Variants in PRKN observed in about 807,000 individuals in gnomAD.
PRKN encodes the protein parkin RBR E3 ubiquitin protein ligase.
In PRKN, 56 loss-of-function variants were observed where a neutral mutation model predicts 59.5. The observed-to-expected ratio is 0.94, with a 90% CI of 0.76 to 1.18. PRKN has a LOEUF of 1.18. Among genes scored for constraint, PRKN ranks in the 50% most tolerant of loss-of-function variants. The pLI is 0.00. For synonymous variants in PRKN, 250 were observed against 222.1 expected, an observed-to-expected ratio of 1.13 and a Z score of -1.12; for missense variants, 657 against 596.4, an observed-to-expected ratio of 1.10 and a Z score of -1.06.
intron 7 of PRKN, among the ~76,000 whole-genome samples, chr6:161,629,524 C>G (rs544431220): frequency 7.2e-4 from 109 of 152,262 alleles, no homozygotes; most frequent in Middle Eastern, 6.8e-3. Context: ...AAAACCTCCA[C>G]TACTTGACCC....
intron 1 of PRKN, among the ~76,000 whole-genome samples, chr6:162,573,954 T>C (rs569366056): frequency 6.6e-6 from 1 of 152,308 alleles, no homozygotes; most frequent in African/African-American, 2.4e-5. Context: ...CCAAAGCAAC[T>C]ACTTCAAATT....
Position 162,201,211 on chromosome 6 carries a change from C to G in PRKN, c.454G>C (p.Gly152Arg). ...CCCGGCTGCACTCTTTGACAGGGGC[C>G]TTTGCAATACACATAAAAGCTGTTG... ...IYNSFYVYCK[G>R]PCQRVQPGKL... is the part of the protein sequence containing the mutation. The change falls in exon 4 of 12, where the codon GGC becomes CGC. Residue 152 changes from glycine to arginine, a missense_variant. By Grantham distance (125) the Gly-to-Arg change is moderately radical. Coordinates refer to ENST00000366898, the MANE Select transcript of PRKN (RefSeq NM_004562.3). 5 of 1,613,950 alleles carry G rather than the reference C, an allele frequency of 3.1e-6. No homozygotes were observed. Among genetic ancestry groups the G allele is most frequent in the Non-Finnish European group, 3.4e-6 (4 of 1,179,858 alleles).
chr6:162,674,006 G>A (rs1779440959), intron 1 of PRKN, among the ~76,000 whole-genome samples: 1 of 152,116 alleles, frequency 6.6e-6, no homozygotes, highest in Admixed American at 6.5e-5. Flanking sequence ...GCTCTTATGA[G>A]AGCATCACCA....
rs1055666209 is a variant in PRKN at position 161,683,466 on chromosome 6, C to T, written c.871+102306G>A. Among the ~76,000 whole-genome samples, 10 of 152,192 alleles carry T rather than the reference C, an allele frequency of 6.6e-5. No homozygotes were observed. The South Asian group carries it at 1.0e-3, about 16-fold the overall frequency. ...TCTCTGGGACTCCTTTAACAGAAGA[C>T]GAACAAAGGGGAAGACCATTGCCTC... On this transcript the variant is annotated intron_variant, in intron 7 of 11. Coordinates refer to ENST00000366898, the MANE Select transcript of PRKN (RefSeq NM_004562.3).
intron 2 of PRKN, among the ~76,000 whole-genome samples, chr6:162,271,168 A>C (rs1780371967): frequency 6.6e-6 from 1 of 152,070 alleles, no homozygotes; most frequent in Non-Finnish European, 1.5e-5. Flanking sequence ...CCTGGCTTTA[A>C]GCAGATGTGG....
chr6:161,650,789 A>G (rs923616810), intron 7 of PRKN, among the ~76,000 whole-genome samples: 6 of 152,194 alleles, frequency 3.9e-5, no homozygotes, highest in Non-Finnish European at 7.3e-5. Flanking sequence ...GAGTGTAGAC[A>G]GTCAGCCTTG....
At chr6:161,412,648 ACTCACTCATTCCTTC>A (rs1787637820) in intron 9 of PRKN, among the ~76,000 whole-genome samples, 1 of 137,896 alleles carries the variant, frequency 7.3e-6, no homozygotes, top group Non-Finnish European at 1.6e-5. Flanking sequence ...TCATTCCTCC[ACTCACTCATTCCTTC>A]CTCACTCATT....
intron 7 of PRKN, among the ~76,000 whole-genome samples, chr6:161,785,164 C>A (rs1157988587): frequency 2.6e-5 from 4 of 152,076 alleles, no homozygotes; most frequent in Non-Finnish European, 5.9e-5. Flanking sequence ...TGAAGCCAGG[C>A]AGAGGTAGTG....
Position 161,396,972 on chromosome 6 carries a change from T to C in PRKN, c.1084-10095A>G, listed in dbSNP as rs1218055853. 6.6e-6 allele frequency among the ~76,000 whole-genome samples: 1 copy of C among 152,202 alleles called. No homozygotes were observed. The highest frequency in any genetic ancestry group is 1.5e-5 in the Non-Finnish European group (1 of 68,042). ...CAGTCAAAATGATACATTAACCCTT[T>C]ATTGTATGTTGAGCAGTCTCATAGG... On this transcript the variant is annotated intron_variant, in intron 9 of 11. Coordinates refer to ENST00000366898, the MANE Select transcript of PRKN (RefSeq NM_004562.3). The surrounding 1 kb of genome is among the most constrained non-coding windows in gnomAD (Gnocchi z 5.4).
chr6:162,266,684 C>A (rs2128101593), intron 2 of PRKN, among the ~76,000 whole-genome samples: 1 of 152,234 alleles, frequency 6.6e-6, no homozygotes, highest in East Asian at 1.9e-4. Context: ...CTTCCTTTCC[C>A]AGCTTTCTGC....
intron 9 of PRKN, among the ~76,000 whole-genome samples, chr6:161,500,937 G>A (rs1056189740): frequency 4.1e-4 from 60 of 144,604 alleles, no homozygotes; most frequent in African/African-American, 1.4e-3. Context: ...GTGCAATGGC[G>A]CAATCTTGGC....
chr6:162,380,125 C>A (rs750076468), intron 2 of PRKN, among the ~76,000 whole-genome samples: 3 of 151,936 alleles, frequency 2.0e-5, no homozygotes, highest in Non-Finnish European at 2.9e-5. Flanking sequence ...TTATCGAGTA[C>A]CTTCCATTTT....
chr6:162,149,624 T>G (rs1234261433), intron 4 of PRKN, among the ~76,000 whole-genome samples: 1 of 151,972 alleles, frequency 6.6e-6, no homozygotes, highest in African/African-American at 2.4e-5. Context: ...AAGAGCAAAA[T>G]GAAGGTCTTG....
chr6:161,848,834 A>G (rs1289739154), intron 6 of PRKN, among the ~76,000 whole-genome samples: 1 of 152,194 alleles, frequency 6.6e-6, no homozygotes, highest in East Asian at 1.9e-4. Context: ...ATGGGAATTG[A>G]AAACTAATTG....
At chr6:161,909,488 C>G (rs367566359) in intron 6 of PRKN, among the ~76,000 whole-genome samples, 2 of 152,070 alleles carry the variant, frequency 1.3e-5, no homozygotes, top group Non-Finnish European at 2.9e-5. Context: ...CGAGAGAGAG[C>G]GCTTGCATAC....
intron 1 of PRKN, among the ~76,000 whole-genome samples, chr6:162,624,141 G>A (rs989647136): frequency 6.6e-6 from 1 of 151,714 alleles, no homozygotes; most frequent in Non-Finnish European, 1.5e-5. Context: ...CCAGCTACTC[G>A]GGAGGCTGAG....
Position 161,352,772 on chromosome 6 carries a change from T to TATATATATATATATATA in PRKN, c.1286-2562_1286-2561insTATATATATATATATAT, listed in dbSNP as rs71004042. Among the ~76,000 whole-genome samples the TATATATATATATATATA allele has an allele frequency of 2.0e-5, 2 of 100,392 alleles. No homozygotes were observed. The highest frequency in any genetic ancestry group is 8.0e-5 in the African/African-American group (2 of 24,960). 65.9% of individuals were successfully genotyped at this position (100,392 alleles called of 152,430 possible). ...GTGTGTGTGTATATATATATATATA[T>TATATATATATATATATA]TTTATTTTATTTTATTTTATTTTTT... On this transcript the variant is annotated intron_variant, in intron 11 of 11. Coordinates refer to ENST00000366898, the MANE Select transcript of PRKN (RefSeq NM_004562.3). This position sits in a 1 kb window ranked among gnomAD's most constrained non-coding sequence, Gnocchi z 5.8.
At chr6:162,356,648 C>G (rs186324759) in intron 2 of PRKN, among the ~76,000 whole-genome samples, 125 of 149,358 alleles carry the variant, frequency 8.4e-4, no homozygotes, top group African/African-American at 2.9e-3. Context: ...GAAGAAGACC[C>G]AGAAAAGCCT....
intron 1 of PRKN, chr6:162,568,895 C>T (rs1387585156): frequency 2.9e-6 from 2 of 689,906 alleles, no homozygotes; most frequent in Non-Finnish European, 5.3e-6. Flanking sequence ...AATTTATCCT[C>T]ATCAGGAAGG....
Sources: allele counts gnomAD v4.1 joint callset (sites outside exome capture counted in the v4.1 genomes callset), GRCh38; gene constraint gnomAD v4.1.1; non-coding constraint Gnocchi (gnomAD v3.1); transcripts MANE v1.5; gene names NCBI Gene and HGNC (gene_info 2026-07-23, HGNC 2026-07-21).